The following FAM114A1 variants were observed in gnomAD, a reference collection of about 807,000 sequenced individuals.
FAM114A1 encodes family with sequence similarity 114 member A1, also known as protein NOXP20.
In FAM114A1, 62 loss-of-function variants were observed where a neutral mutation model predicts 64.3. That is an observed-to-expected ratio of 0.96 (90% CI 0.79 to 1.19). The LOEUF is 1.19. Ranked by LOEUF, FAM114A1 falls within the 50% of genes most tolerant of loss-of-function variation. The pLI, the probability that FAM114A1 is intolerant of heterozygous loss-of-function variation, is 0.00. For synonymous variants in FAM114A1, 254 were observed against 251.1 expected (o/e 1.01, Z -0.11); for missense variants, 645 against 676.3 (o/e 0.95, Z 0.51).
chr4:38,868,036 C>A, intron 1 of FAM114A1: 1 of 426,454 alleles, frequency 2.3e-6, no homozygotes, highest in Non-Finnish European at 4.8e-6. Flanking sequence ...GGCCGAGGGA[C>A]CTGCGTGGGT....
intron 4 of FAM114A1, among the ~76,000 whole-genome samples, chr4:38,893,523 T>C (rs1170509527): frequency 6.6e-6 from 1 of 152,212 alleles, no homozygotes; most frequent in Non-Finnish European, 1.5e-5. Context: ...AACACAGAAA[T>C]CATCTGCTCT....
chr4:38,927,748 A>T (rs1165068083), intron 9 of FAM114A1, among the ~76,000 whole-genome samples: 1 of 152,104 alleles, frequency 6.6e-6, no homozygotes, highest in African/African-American at 2.4e-5. Context: ...CAGTGGCATG[A>T]TCTCCGCTCA....
intron 3 of FAM114A1, among the ~76,000 whole-genome samples, chr4:38,880,429 C>G (rs1715142428): frequency 6.6e-6 from 1 of 152,182 alleles, no homozygotes; most frequent in Admixed American, 6.5e-5. Context: ...CCCTTTCATT[C>G]TTTTGGCTAC....
In FAM114A1 at chr4:38,943,577, G is replaced by T; in HGVS notation, c.*20G>T. 6.2e-7 allele frequency: 1 copy of T among 1,608,464 alleles called. No individual in the cohort carries two copies. The highest frequency in any genetic ancestry group is 8.5e-7 in the Non-Finnish European group (1 of 1,175,254). ...CCGTGACCTGGCCAGACTCCATCTA[G>T]TTAAAGGAGACAGCTGGCCGCCTTG... On this transcript the variant is annotated 3_prime_UTR_variant, in exon 15 of 15. Coordinates refer to ENST00000358869, the MANE Select transcript of FAM114A1 (RefSeq NM_138389.4).
chr4:38,883,689 G>A (rs1296125394), intron 3 of FAM114A1, among the ~76,000 whole-genome samples: 7 of 152,202 alleles, frequency 4.6e-5, no homozygotes, highest in African/African-American at 1.7e-4. Context: ...AAGGAGTAGG[G>A]GACACAGGCT....
chr4:38,870,944 C>A lies in FAM114A1; in HGVS notation c.-9+2398C>A, dbSNP rs560693304. On this transcript the variant is annotated intron_variant, in intron 2 of 14. Transcript: ENST00000358869. Reference sequence around the variant, plus strand: ...CACAGTCGATAAAGTTCTACCAGAACAACCAAACAAAAAATAATTTTTTTT... The same window carrying A: ...CACAGTCGATAAAGTTCTACCAGAAAAACCAAACAAAAAATAATTTTTTTT... Among the ~76,000 whole-genome samples the A allele has an allele frequency of 5.9e-5, 9 of 152,188 alleles. No homozygotes were observed. The South Asian group carries it at 1.5e-3, about 25-fold the overall frequency.
intron 13 of FAM114A1, among the ~76,000 whole-genome samples, chr4:38,938,032 C>T (rs1161907427): frequency 1.6e-5 from 2 of 126,680 alleles, no homozygotes; most frequent in African/African-American, 3.0e-5. Context: ...CCACGGCGCC[C>T]GACCTACACA....
chr4:38,937,474 C>A (rs1282357227), intron 13 of FAM114A1, among the ~76,000 whole-genome samples: 1 of 152,170 alleles, frequency 6.6e-6, no homozygotes, highest in Non-Finnish European at 1.5e-5. Flanking sequence ...TATAAGGACA[C>A]CAGGCCTATT....
At chr4:38,937,494 C>T (rs985241515) in intron 13 of FAM114A1, among the ~76,000 whole-genome samples, 62 of 152,150 alleles carry the variant, frequency 4.1e-4, no homozygotes, top group African/African-American at 1.3e-3. Flanking sequence ...TTGGTTAGCG[C>T]GTGACCAATA....
chr4:38,900,244 A>T (rs1048549922), intron 4 of FAM114A1, among the ~76,000 whole-genome samples: 3 of 151,854 alleles, frequency 2.0e-5, no homozygotes, highest in Non-Finnish European at 2.9e-5. Context: ...AAAACAGAAA[A>T]TAAGCGTTGG....
chr4:38,921,889 T>C (rs1018886273), intron 8 of FAM114A1, among the ~76,000 whole-genome samples: 2 of 118,308 alleles, frequency 1.7e-5, no homozygotes, highest in African/African-American at 5.6e-5. Context: ...TGTGCATCTA[T>C]AGATGCGTAT....
chr4:38,911,861 C>CTT (rs375816760), intron 7 of FAM114A1, among the ~76,000 whole-genome samples: 29 of 54,038 alleles, frequency 5.4e-4, no homozygotes, highest in Non-Finnish European at 6.7e-4. Context: ...TTTCTTTTTT[C>CTT]TTTTTTTTTT....
intron 4 of FAM114A1, among the ~76,000 whole-genome samples, chr4:38,892,205 T>G (rs938925130): frequency 6.6e-6 from 1 of 152,192 alleles, no homozygotes; most frequent in African/African-American, 2.4e-5. Flanking sequence ...CCCACTTGAA[T>G]TTTTTTAGTG....
At position 38,925,909 on chromosome 4, in the gene FAM114A1, A is replaced by G. The variant is rs558364484; in HGVS notation, c.1069+3016A>G. Among the ~76,000 whole-genome samples the G allele has an allele frequency of 5.9e-5, 9 of 151,902 alleles. No homozygotes were observed. The East Asian group carries it at 1.7e-3, about 29-fold the overall frequency. On this transcript the variant is annotated intron_variant, in intron 9 of 14. Coordinates refer to ENST00000358869, the MANE Select transcript of FAM114A1 (RefSeq NM_138389.4). ...AAATAGTTTCTAAAACTTGCTTTGT[A>G]TGTTTTACAGAATTAATACACCTTT...
At chr4:38,874,247 A>G (rs12505100) in intron 2 of FAM114A1, among the ~76,000 whole-genome samples, 41,723 of 152,088 alleles carry the variant, frequency 0.27, 6,097 homozygotes, top group African/African-American at 0.31. Flanking sequence ...CACAGGAGAT[A>G]ATACATTTAA....
At chr4:38,932,453 C>A in intron 12 of FAM114A1, 79 bp downstream of exon 12, 1 of 1,355,460 alleles carries the variant, frequency 7.4e-7, no homozygotes, top group Non-Finnish European at 9.9e-7. Context: ...TACACACCCA[C>A]ACCCTCTAAG....
At chr4:38,882,798 A>G (rs2890684) in intron 3 of FAM114A1, among the ~76,000 whole-genome samples, 42,080 of 152,030 alleles carry the variant, frequency 0.28, 6,179 homozygotes, top group African/African-American at 0.31. Context: ...CTGGATCTGG[A>G]TCCCCTTAAA....
At chr4:38,914,848 T>TC (rs1718882085) in intron 7 of FAM114A1, 73 bp from the exon 8 acceptor site, 2 of 1,516,526 alleles carry the variant, frequency 1.3e-6, no homozygotes, top group African/African-American at 2.8e-5. Flanking sequence ...CCTCCCAACC[T>TC]CCCCCATGTC....
chr4:38,931,802 A>G (rs1466683948), intron 11 of FAM114A1, among the ~76,000 whole-genome samples, 190 bp downstream of exon 11: 1 of 152,186 alleles, frequency 6.6e-6, no homozygotes, highest in Non-Finnish European at 1.5e-5. Context: ...AATAATAATA[A>G]TAATTAGCAG....
Sources: gnomAD v4.1 joint callset for allele counts (sites outside exome capture counted in the v4.1 genomes callset) on GRCh38, gnomAD v4.1.1 for gene constraint, MANE v1.5 for transcripts, NCBI Gene and HGNC (gene_info 2026-07-23, HGNC 2026-07-21) for gene names.